The following MACF1 variants were observed in gnomAD, a reference collection of about 807,000 sequenced individuals.
MACF1 encodes the protein microtubule-actin cross-linking factor 1.
In MACF1, 193 loss-of-function variants were observed where a neutral mutation model predicts 854.8. The ratio of observed to expected loss-of-function variants is 0.23; its 90% CI spans 0.20 to 0.25. MACF1 has a LOEUF of 0.25. Among genes scored for constraint, MACF1 ranks in the 10% least tolerant of loss-of-function variants. The pLI is 1.00. For synonymous variants in MACF1, 3,185 were observed against 3,226.7 expected, an observed-to-expected ratio of 0.99 and a Z score of 0.44; for missense variants, 7,722 against 8,929.1, an observed-to-expected ratio of 0.86 and a Z score of 5.45.
At chr1:39,421,796 C>T (rs777664017) in intron 58 of MACF1, among the ~76,000 whole-genome samples, 37 of 152,248 alleles carry the variant, frequency 2.4e-4, no homozygotes, top group African/African-American at 6.7e-4. Context: ...AGCAACAGGC[C>T]GGGCGCGGTG....
chr1:39,374,876 C>T (rs775045250), intron 52 of MACF1, among the ~76,000 whole-genome samples: 16 of 152,034 alleles, frequency 1.1e-4, no homozygotes, highest in Non-Finnish European at 1.6e-4. Context: ...TTTGGGAGGC[C>T]GAGACGGGTG....
intron 58 of MACF1, chr1:39,413,276 C>T (rs1163242237): frequency 1.9e-6 from 3 of 1,604,578 alleles, no homozygotes; most frequent in Non-Finnish European, 2.6e-6. Context: ...GCCTCCCCAG[C>T]TGCTGCAGTG....
rs1407892453 is a variant in MACF1 at position 39,442,580 on chromosome 1, A to G, written c.19104+13A>G. ...CGCAAAGCACCATGTAAGTATTTTC[A>G]TTTTTTCATCTCTAACCCTATTGAT... On this transcript the variant is annotated intron_variant, in intron 77 of 100. Coordinates refer to ENST00000564288, the MANE Select transcript of MACF1 (RefSeq NM_001394062.1). 2.5e-6 allele frequency: 4 copies of G among 1,613,788 alleles called. No homozygotes were observed. In the African/African-American group the frequency reaches 4.0e-5, roughly 16 times the overall value.
At chr1:39,255,612 T>C (rs1316926701) in intron 5 of MACF1, among the ~76,000 whole-genome samples, 2 of 152,264 alleles carry the variant, frequency 1.3e-5, no homozygotes, top group African/African-American at 4.8e-5. Flanking sequence ...TTTCTTGTTA[T>C]TTCTCTGTTT....
intron 6 of MACF1, 90 bp downstream of exon 6, chr1:39,258,118 C>G: frequency 1.0e-6 from 1 of 1,002,692 alleles, no homozygotes; most frequent in Non-Finnish European, 1.6e-6. Context: ...ATTGAGCCTT[C>G]CTTCTCTCTA....
At chr1:39,211,906 A>G (rs1644521716) in intron 1 of MACF1, among the ~76,000 whole-genome samples, 1 of 151,918 alleles carries the variant, frequency 6.6e-6, no homozygotes, top group Admixed American at 6.6e-5. Context: ...GACAGAACCC[A>G]ATACAGAGGT....
In MACF1 at chr1:39,292,008, C is replaced by G; in HGVS notation, c.1884C>G (p.Gly628=). ...QHIHTSVEEL[G]SSVKEARLYE... ...TCCATACGAGTGTAGAAGAGCTGGG[C>G]TCAAGTGTCAAGGAGGCCAGGTTGT... is the stretch of plus-strand genomic sequence containing the variant. Residue 628 remains glycine, a synonymous_variant, in exon 16 of 101, where the codon GGC becomes GGG. Transcript: ENST00000564288. The G allele has an allele frequency of 1.9e-6, 3 of 1,613,960 alleles. No individual in the cohort carries two copies. Among genetic ancestry groups the G allele is most frequent in the Non-Finnish European group, 1.7e-6 (2 of 1,179,982 alleles).
intron 21 of MACF1, 75 bp downstream of exon 21, chr1:39,297,820 C>A: frequency 6.4e-7 from 1 of 1,554,060 alleles, no homozygotes. Context: ...TGTTTATATC[C>A]TTGAAAGCTC....
intron 2 of MACF1, among the ~76,000 whole-genome samples, chr1:39,089,609 C>T (rs1222320267): frequency 6.6e-6 from 1 of 152,190 alleles, no homozygotes; most frequent in Non-Finnish European, 1.5e-5. Flanking sequence ...GAGAGCACTA[C>T]CTGGTCAGAA....
intron 58 of MACF1, chr1:39,410,123 C>A: frequency 1.7e-6 from 1 of 579,662 alleles, no homozygotes; most frequent in Non-Finnish European, 2.9e-6. Context: ...AACGGAACTT[C>A]CAGGCCTTTC....
At chr1:39,480,801 T>C in intron 98 of MACF1, 119 bp from the exon 99 acceptor site, 2 of 629,634 alleles carry the variant, frequency 3.2e-6, no homozygotes, top group East Asian at 5.5e-5. Context: ...CATTTTATTT[T>C]GTTTTCTGTT....
chr1:39,468,510 T>TG, intron 95 of MACF1, 105 bp from the exon 96 acceptor site: 1 of 846,580 alleles, frequency 1.2e-6, no homozygotes, highest in Non-Finnish European at 1.9e-6. Context: ...AATTCTTCTG[T>TG]AGCTATCAAA....
rs1307151146 is a variant in MACF1, at chr1:39,443,679, G to A, written c.19431+105G>A. On this transcript the variant is annotated intron_variant, in intron 79 of 100. Transcript: ENST00000564288. ...TGTATCTGGAAATCTACAAAGTAGT[G>A]CATTTTTATCAAACATATAGTATAA... The A allele has an allele frequency of 7.9e-6, 10 of 1,262,518 alleles. No individual in the cohort carries two copies. The East Asian group carries it at 2.2e-4, about 28-fold the overall frequency. The allele number at this position is 1,262,518 out of a possible 1,614,324, so 78.2% of individuals were successfully genotyped here. A position where few individuals can be genotyped will look rare whatever the true frequency, so the allele number is the denominator to read the frequency against.
At chr1:39,274,055 G>A (rs1309325739) in intron 6 of MACF1, among the ~76,000 whole-genome samples, 5 of 152,104 alleles carry the variant, frequency 3.3e-5, no homozygotes, top group Admixed American at 6.5e-5. Flanking sequence ...TCATAATAGG[G>A]GAAGGGTGAA....
chr1:39,388,872 CTT>C (rs548104092), intron 58 of MACF1, among the ~76,000 whole-genome samples: 8 of 87,244 alleles, frequency 9.2e-5, no homozygotes, highest in Non-Finnish European at 1.3e-4. Flanking sequence ...TCTTCTTCTT[CTT>C]TTTTTTTTTT....
chr1:39,411,508 C>G (rs772326159), intron 58 of MACF1: 2 of 1,613,538 alleles, frequency 1.2e-6, no homozygotes, highest in Non-Finnish European at 1.7e-6. Flanking sequence ...CAAGGATATA[C>G]CCCTGGATTG....
chr1:39,481,754 C>T (rs1426408647), intron 99 of MACF1, among the ~76,000 whole-genome samples: 1 of 152,192 alleles, frequency 6.6e-6, no homozygotes, highest in East Asian at 1.9e-4. Context: ...GTGCAGTTTG[C>T]ATTCCAGCTC....
At chr1:39,240,089 G>C (rs1340370581) in intron 2 of MACF1, among the ~76,000 whole-genome samples, 2 of 152,078 alleles carry the variant, frequency 1.3e-5, no homozygotes, top group Admixed American at 1.3e-4. Context: ...AGACTCTCTA[G>C]TTGAATATGG....
At chr1:39,292,940 G>A in intron 17 of MACF1, 97 bp downstream of exon 17, 2 of 1,027,294 alleles carry the variant, frequency 1.9e-6, no homozygotes, top group Non-Finnish European at 2.8e-6. Flanking sequence ...GTTTGGCCCT[G>A]TTTTGGTTTT....
Sources: allele counts gnomAD v4.1 joint callset (sites outside exome capture counted in the v4.1 genomes callset), GRCh38; gene constraint gnomAD v4.1.1; transcripts MANE v1.5; gene names NCBI Gene and HGNC (gene_info 2026-07-23, HGNC 2026-07-21).